TNRC6C: variants seen among roughly 807,000 people sequenced by gnomAD.
TNRC6C encodes the protein trinucleotide repeat-containing gene 6C protein.
TNRC6C carries 20 observed loss-of-function variants against 153.7 expected under a neutral mutation model. That is an observed-to-expected ratio of 0.13 (90% CI 0.09 to 0.19). The LOEUF (loss-of-function observed/expected upper bound fraction) is 0.19, where lower values mean the gene tolerates loss of function less well. Ranked by LOEUF, TNRC6C falls within the 10% of genes least tolerant of loss-of-function variation. The probability of loss-of-function intolerance (pLI) is 1.00; values close to 1 mark genes in which losing one functional copy is unlikely to be tolerated. For missense variants in TNRC6C, 1,987 were observed against 2,172.0 expected (o/e 0.91, Z 1.69); for synonymous variants, 811 against 841.4 (o/e 0.96, Z 0.63).
chr17:78,092,842 C>A, intron 14 of TNRC6C, 91 bp from the exon 17 acceptor site: 3 of 1,122,300 alleles, frequency 2.7e-6, no homozygotes, highest in Non-Finnish European at 3.8e-6. Flanking sequence ...GGACCTAGAA[C>A]AGAAGGTACA....
exon 13 of TNRC6C, chr17:78,086,996 G>A: frequency 1.2e-6 from 2 of 1,613,838 alleles, no homozygotes; most frequent in Non-Finnish European, 1.7e-6. Flanking sequence ...AATCGGCCAT[G>A]GACAGCTTCC....
intron 7 of TNRC6C, among the ~76,000 whole-genome samples, chr17:78,073,301 A>T (rs185612816): frequency 6.6e-6 from 1 of 152,236 alleles, no homozygotes; most frequent in Admixed American, 6.5e-5. Flanking sequence ...CGCCAATGCC[A>T]TATTTGAAGC....
At chr17:78,051,859 C>T (rs1478510037) in intron 3 of TNRC6C, among the ~76,000 whole-genome samples, 1 of 152,210 alleles carries the variant, frequency 6.6e-6, no homozygotes, top group East Asian at 1.9e-4. Context: ...TGTCAGTTCA[C>T]TGACATGCCC....
At position 78,074,062 on chromosome 17, in the gene TNRC6C, G is replaced by A. The variant is rs1219097568; in HGVS notation, c.2917+968G>A. The stretch of plus-strand genomic sequence containing the variant: ...CTCAGGGCCAACAGTGCTTTAACTC[G>A]TGCCTACATGAAGCTTACTTGACAC... On this transcript the variant is annotated intron_variant, in intron 7 of 19. Coordinates refer to ENST00000301624, the Ensembl canonical transcript of TNRC6C. 4.6e-5 allele frequency among the ~76,000 whole-genome samples: 7 copies of A among 152,112 alleles called. No individual in the cohort carries two copies. In the South Asian group the frequency reaches 1.0e-3, roughly 22 times the overall value.
intron 1 of TNRC6C, among the ~76,000 whole-genome samples, chr17:78,015,173 TGTGTG>T (rs1321000442): frequency 6.6e-6 from 1 of 152,164 alleles, no homozygotes; most frequent in African/African-American, 2.4e-5. Flanking sequence ...TTTTTTTCAT[TGTGTG>T]GGGTGTCCAT....
chr17:78,007,591 T>G (rs1364111340), intron 1 of TNRC6C, among the ~76,000 whole-genome samples: 1 of 152,194 alleles, frequency 6.6e-6, no homozygotes, highest in Non-Finnish European at 1.5e-5. Context: ...CCTCCCCTGC[T>G]CCAGATTGTG....
rs144821188 is a variant in TNRC6C at position 77,979,265 on chromosome 17, T to A, written c.-38+19997T>A. Among the ~76,000 whole-genome samples the A allele has an allele frequency of 1.7e-3, 255 of 152,348 alleles. 1 individual carries two copies. The highest frequency in any genetic ancestry group is 5.6e-3 in the African/African-American group (234 of 41,590). On this transcript the variant is annotated intron_variant, in intron 1 of 22. Transcript: ENST00000636222. ...TTTAAAATAGCTAGAAGAGAAGAAT[T>A]TGAATTTTTTAACATAAAGACATTT... is the stretch of plus-strand genomic sequence containing the variant.
At chr17:78,077,041 CAT>C (rs1261523250) in intron 8 of TNRC6C, 142 bp from the exon 11 acceptor site, 1 of 860,124 alleles carries the variant, frequency 1.2e-6, no homozygotes, top group Non-Finnish European at 1.7e-6. Flanking sequence ...TCCTTTTGCA[CAT>C]GTTCTCCATT....
chr17:78,029,650 AT>A (rs1298133046), intron 1 of TNRC6C, among the ~76,000 whole-genome samples: 2 of 152,126 alleles, frequency 1.3e-5, no homozygotes, highest in Non-Finnish European at 2.9e-5. Context: ...AAGCTTTTTA[AT>A]TTTTTTAAGA....
At chr17:78,027,118 G>A (rs559432095) in intron 1 of TNRC6C, among the ~76,000 whole-genome samples, 4 of 152,148 alleles carry the variant, frequency 2.6e-5, no homozygotes, top group South Asian at 2.1e-4. Flanking sequence ...AGGAGTGGCC[G>A]TCGCTGATAA....
chr17:78,051,190 T>C, exon 3 of TNRC6C: 1 of 1,574,590 alleles, frequency 6.4e-7, no homozygotes, highest in Non-Finnish European at 8.6e-7. Flanking sequence ...AGCAACTGGC[T>C]GGGAAGAACC....
exon 18 of TNRC6C, chr17:78,102,497 T>G: frequency 6.2e-7 from 1 of 1,608,184 alleles, no homozygotes; most frequent in South Asian, 1.1e-5. Flanking sequence ...CACCGACACC[T>G]CAGGAAGAAC....
At chr17:78,071,292 C>A in intron 6 of TNRC6C, 127 bp downstream of exon 8, 1 of 915,864 alleles carries the variant, frequency 1.1e-6, no homozygotes, top group Non-Finnish European at 1.7e-6. Context: ...GAGATATTGA[C>A]ATCATCTAAC....
intron 1 of TNRC6C, among the ~76,000 whole-genome samples, chr17:78,025,014 A>G (rs2071911965): frequency 6.6e-6 from 1 of 151,740 alleles, no homozygotes; most frequent in Non-Finnish European, 1.5e-5. Context: ...GTGTGATCTC[A>G]AACTCCTGAC....
At chr17:78,018,954 A>G (rs8081576) in intron 1 of TNRC6C, among the ~76,000 whole-genome samples, 14,595 of 152,138 alleles carry the variant, frequency 0.096, 1,896 homozygotes, top group African/African-American at 0.3. Context: ...TGGTGGCAGC[A>G]GGTGCTTATG....
At chr17:78,103,577 A>C in intron 19 of TNRC6C, 24 bp downstream of exon 22, 1 of 1,613,478 alleles carries the variant, frequency 6.2e-7, no homozygotes, top group South Asian at 1.1e-5. Flanking sequence ...CAGCCACCTC[A>C]GCGCTCCAAG....
At chr17:77,988,180 C>A (rs546479296) in intron 1 of TNRC6C, among the ~76,000 whole-genome samples, 13 of 151,956 alleles carry the variant, frequency 8.6e-5, no homozygotes, top group African/African-American at 3.1e-4. Flanking sequence ...GGTGAGACTC[C>A]GTCTCAAAAA....
chr17:78,064,886 G>A lies in TNRC6C; in HGVS notation c.2560G>A (p.Ala854Thr), dbSNP rs1291095890. The A allele has an allele frequency of 3.7e-6, 6 of 1,612,234 alleles. No individual in the cohort carries two copies. The Admixed American group carries it at 5.1e-5, about 14-fold the overall frequency. Residue 854 changes from alanine (A) to threonine (T), a missense_variant, in exon 4 of 20, where the codon GCA (alanine) becomes ACA (threonine). By Grantham distance (58) the Ala-to-Thr change is moderately conservative. Transcript: ENST00000301624. ...AGATCACCCTGCAGAGCCGCCGGTG[G>A]CATTTGGAAGAGCTGGCGCACCTGT... is the stretch of plus-strand genomic sequence containing the variant.
chr17:78,024,452 C>A (rs977316412), intron 1 of TNRC6C, among the ~76,000 whole-genome samples: 1 of 150,694 alleles, frequency 6.6e-6, no homozygotes, highest in African/African-American at 2.4e-5. Context: ...CTGCAAGCTT[C>A]GCCTCCCAGG....
Sources: allele counts gnomAD v4.1 joint callset (sites outside exome capture counted in the v4.1 genomes callset), GRCh38; gene constraint gnomAD v4.1.1; transcripts MANE v1.5; gene names NCBI Gene and HGNC (gene_info 2026-07-23, HGNC 2026-07-21).